PDZD2: variants seen among roughly 807,000 people sequenced by gnomAD.
The protein encoded by PDZD2 is PDZ domain-containing protein 2.
Under a neutral mutation model 220.7 loss-of-function variants are expected in PDZD2, and 90 were observed. That is an observed-to-expected ratio of 0.41 (90% CI 0.34 to 0.49). The LOEUF (loss-of-function observed/expected upper bound fraction) is 0.49, where lower values mean the gene tolerates loss of function less well. Among genes scored for constraint, PDZD2 ranks in the 20% least tolerant of loss-of-function variants. The pLI is 0.28. For synonymous variants in PDZD2, 1,375 were observed against 1,450.5 expected (o/e 0.95, Z 1.18); for missense variants, 3,174 against 3,608.5 (o/e 0.88, Z 3.08).
At chr5:31,658,708 C>G (rs980003739) in intron 1 of PDZD2, among the ~76,000 whole-genome samples, 3 of 152,042 alleles carry the variant, frequency 2.0e-5, no homozygotes, top group African/African-American at 7.3e-5. Flanking sequence ...CAACCTCTGC[C>G]TCCTGGGTTC....
At chr5:31,737,319 C>CCTG (rs924077194) in intron 1 of PDZD2, among the ~76,000 whole-genome samples, 14 of 151,746 alleles carry the variant, frequency 9.2e-5, no homozygotes, top group African/African-American at 2.4e-4. Context: ...ACTACAGGCG[C>CCTG]CCACCACCAC....
chr5:31,982,990 T>C (rs973931389), intron 2 of PDZD2, among the ~76,000 whole-genome samples, 165 bp from the exon 3 acceptor site: 1 of 152,188 alleles, frequency 6.6e-6, no homozygotes. Context: ...AATTATTACA[T>C]AGATGAAAAG....
At chr5:31,683,546 C>T (rs1258238704) in intron 1 of PDZD2, among the ~76,000 whole-genome samples, 1 of 152,138 alleles carries the variant, frequency 6.6e-6, no homozygotes, top group East Asian at 1.9e-4. Context: ...GACACTCATA[C>T]ATTTACATAG....
At chr5:31,933,897 T>C (rs1237572530) in intron 2 of PDZD2, among the ~76,000 whole-genome samples, 3 of 152,194 alleles carry the variant, frequency 2.0e-5, no homozygotes, top group Non-Finnish European at 4.4e-5. Context: ...TCATGGATAA[T>C]GCAATTCAGA....
chr5:31,885,704 A>G (rs1187756258), intron 2 of PDZD2, among the ~76,000 whole-genome samples: 2 of 152,204 alleles, frequency 1.3e-5, no homozygotes, highest in African/African-American at 4.8e-5. Context: ...GAAACATAGT[A>G]TAGCATAAGT....
In PDZD2 at chr5:31,671,375, C is replaced by T. The variant is rs147903501; in HGVS notation, c.-361+31938C>T. Among the ~76,000 whole-genome samples, 45 of 152,314 alleles carry T rather than the reference C, an allele frequency of 3.0e-4. No individual in the cohort carries two copies. The East Asian group carries it at 7.5e-3, about 25-fold the overall frequency. On this transcript the variant is annotated intron_variant, in intron 1 of 24. Transcript: ENST00000438447. ...CACTGCTAGGGCATAGTGTGTGTAACGCTGTGTCCATGGTTGCTGGCATTT... is the reference window on the plus strand; with the variant it reads ...CACTGCTAGGGCATAGTGTGTGTAATGCTGTGTCCATGGTTGCTGGCATTT...
intron 1 of PDZD2, among the ~76,000 whole-genome samples, chr5:31,781,458 G>A (rs1753059430): frequency 6.6e-6 from 1 of 152,212 alleles, no homozygotes; most frequent in African/African-American, 2.4e-5. Context: ...GCTTCTGTTA[G>A]GGGGTAAAAA....
chr5:31,909,005 C>T, intron 2 of PDZD2: 1 of 299,034 alleles, frequency 3.3e-6, no homozygotes, highest in South Asian at 3.5e-5. Context: ...GAGATTACTG[C>T]ACTCCAGCCT....
chr5:32,091,290 T>A, intron 20 of PDZD2, 115 bp downstream of exon 20: 1 of 832,904 alleles, frequency 1.2e-6, no homozygotes, highest in Non-Finnish European at 1.7e-6. Context: ...TTTTTTTTTT[T>A]TTTTTTTTTT....
chr5:31,976,707 CTTCTTTCTT>C (rs1293240834), intron 2 of PDZD2, among the ~76,000 whole-genome samples: 6 of 121,650 alleles, frequency 4.9e-5, no homozygotes, highest in African/African-American at 1.6e-4. Flanking sequence ...TCCTTTTTTT[CTTCTTTCTT>C]TTTTTTTTTT....
intron 1 of PDZD2, among the ~76,000 whole-genome samples, chr5:31,729,458 A>T (rs530823761): frequency 6.6e-6 from 1 of 152,146 alleles, no homozygotes; most frequent in East Asian, 1.9e-4. Context: ...CACCATGCCC[A>T]CTTTACAGAT....
chr5:31,926,543 AAAG>A (rs1001513675), intron 2 of PDZD2, among the ~76,000 whole-genome samples: 12 of 150,890 alleles, frequency 8.0e-5, no homozygotes, highest in African/African-American at 2.9e-4. Flanking sequence ...AAAAAAAAAA[AAAG>A]AAAATTAAAA....
chr5:31,864,627 C>G (rs1738024104), intron 2 of PDZD2, among the ~76,000 whole-genome samples: 1 of 151,718 alleles, frequency 6.6e-6, no homozygotes. Context: ...TCAAGTGATT[C>G]TCCTGCATCA....
At chr5:31,866,083 C>T (rs113207656) in intron 2 of PDZD2, among the ~76,000 whole-genome samples, 5,834 of 151,962 alleles carry the variant, frequency 0.038, 335 homozygotes, top group African/African-American at 0.13. Flanking sequence ...CTCACTGCAA[C>T]CTCCGCCTCT....
intron 1 of PDZD2, among the ~76,000 whole-genome samples, chr5:31,694,536 G>A (rs1747288938): frequency 6.6e-6 from 1 of 152,096 alleles, no homozygotes; most frequent in Non-Finnish European, 1.5e-5. Context: ...ACATTTTCTC[G>A]TGTTTTTGAA....
intron 1 of PDZD2, among the ~76,000 whole-genome samples, chr5:31,706,843 A>C (rs1313076107): frequency 2.4e-4 from 3 of 12,698 alleles, no homozygotes; most frequent in Middle Eastern, 0.042. Flanking sequence ...ATTCCATCTC[A>C]AAAAAAAAAA....
chr5:31,934,736 C>A (rs1197185282), intron 2 of PDZD2, among the ~76,000 whole-genome samples: 1 of 151,646 alleles, frequency 6.6e-6, no homozygotes, highest in Non-Finnish European at 1.5e-5. Flanking sequence ...ATACAAGGCT[C>A]CTAGGGGAAA....
chr5:31,804,143 C>T (rs1301924768), intron 2 of PDZD2, among the ~76,000 whole-genome samples: 1 of 151,988 alleles, frequency 6.6e-6, no homozygotes, highest in Non-Finnish European at 1.5e-5. Context: ...GTTTAGTGGT[C>T]AGCAGTCATG....
intron 2 of PDZD2, among the ~76,000 whole-genome samples, chr5:31,873,878 G>T (rs1049599844): frequency 1.3e-5 from 2 of 151,962 alleles, no homozygotes; most frequent in Admixed American, 6.6e-5. Flanking sequence ...GTACAGGCAT[G>T]CATCACCATG....
Sources: allele counts gnomAD v4.1 joint callset (sites outside exome capture counted in the v4.1 genomes callset), GRCh38; gene constraint gnomAD v4.1.1; transcripts MANE v1.5; gene names NCBI Gene and HGNC (gene_info 2026-07-23, HGNC 2026-07-21).